PCDH19: variants seen among roughly 807,000 people sequenced by gnomAD.
PCDH19 encodes protocadherin-19.
Under a neutral mutation model 46.2 loss-of-function variants are expected in PCDH19, and 6 were observed. The observed-to-expected ratio is 0.13, with a 90% CI of 0.07 to 0.26. The LOEUF (loss-of-function observed/expected upper bound fraction) is 0.26. Among genes scored for constraint, PCDH19 ranks in the 10% least tolerant of loss-of-function variants. The probability of loss-of-function intolerance (pLI) is 1.00; values close to 1 mark genes in which losing one functional copy is unlikely to be tolerated. For missense variants in PCDH19, 740 were observed against 972.3 expected, an observed-to-expected ratio of 0.76 and a Z score of 3.18; for synonymous variants, 481 against 415.7, an observed-to-expected ratio of 1.16 and a Z score of -1.91.
intron 3 of PCDH19, among the ~76,000 whole-genome samples, chrX:100,373,934 C>G (rs757749549): frequency 1.8e-5 from 2 of 112,239 alleles, no homozygotes; most frequent in South Asian, 7.5e-4. Flanking sequence ...CTCTTTTTAA[C>G]TACTTTTTTT....
At chrX:100,330,769 C>G (rs1050063067) in intron 5 of PCDH19, among the ~76,000 whole-genome samples, 13 of 110,989 alleles carry the variant, frequency 1.2e-4, no homozygotes, top group African/African-American at 4.3e-4. Context: ...AAGGCAGTAA[C>G]CTAAAGAGCC....
intron 3 of PCDH19, among the ~76,000 whole-genome samples, chrX:100,384,017 C>T (rs746800280): frequency 1.9e-4 from 21 of 111,538 alleles, no homozygotes; most frequent in South Asian, 1.9e-3. Context: ...AATTAACCAT[C>T]TAGGAAAATG....
chrX:100,389,397 G>A (rs1035341416), intron 3 of PCDH19, among the ~76,000 whole-genome samples: 1 of 106,912 alleles, frequency 9.4e-6, no homozygotes, highest in African/African-American at 3.4e-5. Flanking sequence ...GTGGGTGGGG[G>A]AAATAGGAAG....
chrX:100,406,309 A>T, intron 1 of PCDH19, 142 bp downstream of exon 1: 1 of 509,943 alleles, frequency 2.0e-6, no homozygotes, highest in South Asian at 2.8e-5. Context: ...GGACTGTCAC[A>T]AACTTTTCAC....
rs143740665 is a variant in PCDH19, at chrX:100,357,423, T to C, written c.2617-6719A>G. 5.7e-3 allele frequency among the ~76,000 whole-genome samples: 638 copies of C among 111,991 alleles called. 3 individuals carry two copies. The highest frequency in any genetic ancestry group is 8.0e-3 in the Non-Finnish European group (427 of 53,163). ...TCATAACGTTCTTAGAAATAGCCCA[T>C]ATTATCTGTCCTTTTGGCTCCATTT... is the stretch of plus-strand genomic sequence containing the variant. On this transcript the variant is annotated intron_variant, in intron 3 of 5. Transcript: ENST00000373034.
At chrX:100,349,307 T>G (rs1436815359) in intron 4 of PCDH19, among the ~76,000 whole-genome samples, 3 of 112,046 alleles carry the variant, frequency 2.7e-5, no homozygotes, top group Non-Finnish European at 5.6e-5. Context: ...TAATTTTGAA[T>G]TCCTCACCTC....
At position 100,292,098 on chromosome X, in the gene PCDH19, A is replaced by G. The variant is rs1208956409; in HGVS notation, c.*4179T>C. The G allele has an allele frequency of 8.8e-6, 1 of 113,283 alleles. No homozygotes were observed. Among genetic ancestry groups the G allele is most frequent in the Non-Finnish European group, 1.9e-5 (1 of 53,397 alleles). The allele number at this position is 113,283 out of a possible 1,213,427, so 9.3% of individuals were successfully genotyped here. Reference sequence around the variant, plus strand: ...ACCTTAGCATTCAAATAGCACAAGGAGGTATTTGTTGCTGATTTCTAGCTC... The same window carrying G: ...ACCTTAGCATTCAAATAGCACAAGGGGGTATTTGTTGCTGATTTCTAGCTC... On this transcript the variant is annotated 3_prime_UTR_variant, in exon 6 of 6. Coordinates refer to ENST00000373034, the MANE Select transcript of PCDH19 (RefSeq NM_001184880.2).
intron 5 of PCDH19, among the ~76,000 whole-genome samples, chrX:100,322,859 A>ATTTTTT (rs1400588865): frequency 5.3e-4 from 23 of 43,672 alleles, no homozygotes; most frequent in African/African-American, 3.1e-3. Context: ...ATATATATAT[A>ATTTTTT]TATATATTTT....
intron 5 of PCDH19, among the ~76,000 whole-genome samples, chrX:100,333,166 GAAGGAAGGGA>G (rs1422827207): frequency 3.3e-5 from 1 of 30,201 alleles, no homozygotes; most frequent in African/African-American, 8.5e-5. Context: ...AGGAAGGAAG[GAAGGAAGGGA>G]GAGAGAGAGA....
At chrX:100,390,306 G>C (rs1016495016) in intron 3 of PCDH19, among the ~76,000 whole-genome samples, 1 of 111,990 alleles carries the variant, frequency 8.9e-6, no homozygotes, top group African/African-American at 3.3e-5. Context: ...ATTCACTAAA[G>C]TCTGGAGGCA....
chrX:100,379,250 G>A (rs1192432617), intron 3 of PCDH19, among the ~76,000 whole-genome samples: 2 of 108,684 alleles, frequency 1.8e-5, no homozygotes, highest in Non-Finnish European at 3.8e-5. Context: ...TTGGCAAAAC[G>A]AGTCCTTCCC....
At chrX:100,301,078 A>G (rs1004267341) in intron 5 of PCDH19, among the ~76,000 whole-genome samples, 1 of 111,687 alleles carries the variant, frequency 9.0e-6, no homozygotes, top group African/African-American at 3.3e-5. Context: ...TTATGCAGCA[A>G]TTACTACTCT....
rs1178096703 is a variant in PCDH19, at chrX:100,407,323, T to C, written c.1275A>G (p.Ala425=). The C allele has an allele frequency of 8.3e-7, 1 of 1,211,053 alleles. No homozygotes were observed. The highest frequency in any genetic ancestry group is 1.1e-6 in the Non-Finnish European group (1 of 895,434). ...QHDQYNLTIQ[A]RDGGVPMLQS... ...GCAGCATGGGCACGCCGCCGTCGCG[T>C]GCCTGAATTGTGAGGTTGTATTGGT... Residue 425 remains alanine (A), a synonymous_variant, in exon 1 of 6, where the codon GCA becomes GCG. Transcript: ENST00000373034.
intron 3 of PCDH19, among the ~76,000 whole-genome samples, chrX:100,380,210 T>G (rs2147516049): frequency 9.0e-6 from 1 of 110,791 alleles, no homozygotes; most frequent in African/African-American, 3.3e-5. Context: ...GGGTGGGAAA[T>G]GGTTCCCTGA....
chrX:100,343,941 T>C (rs1445080659), intron 4 of PCDH19, among the ~76,000 whole-genome samples: 2 of 111,740 alleles, frequency 1.8e-5, no homozygotes, highest in Admixed American at 9.5e-5. Flanking sequence ...AGCTATGCCA[T>C]GGACACAATG....
chrX:100,340,222 T>C (rs1201396796), intron 5 of PCDH19, among the ~76,000 whole-genome samples: 2 of 111,974 alleles, frequency 1.8e-5, no homozygotes, highest in Non-Finnish European at 3.8e-5. Flanking sequence ...CACACACACA[T>C]ATATATGTAA....
chrX:100,328,774 T>G (rs768165664), intron 5 of PCDH19, among the ~76,000 whole-genome samples: 16 of 112,530 alleles, frequency 1.4e-4, no homozygotes, highest in Non-Finnish European at 2.6e-4. Flanking sequence ...AGATTAATTA[T>G]CCAAACTTTA....
chrX:100,407,386 A>C lies in PCDH19; in HGVS notation c.1212T>G (p.Thr404=). 8.3e-7 allele frequency: 1 copy of C among 1,211,815 alleles called. No homozygotes were observed. The highest frequency in any genetic ancestry group is 1.1e-6 in the Non-Finnish European group (1 of 895,322). The stretch of plus-strand genomic sequence containing the variant: ...GGTCCAGCCGTCCGTCCACCAGAAT[A>C]GTGGAGAAGCTCTCATATTCCTGCA... ...FRLQEYESFS[T]ILVDGRLDRE... is the part of the protein sequence containing the mutation. Residue 404 remains threonine (T), a synonymous_variant, in exon 1 of 6, where the codon ACT becomes ACG. Transcript: ENST00000373034.
At chrX:100,354,503 G>C (rs1456277951) in intron 3 of PCDH19, among the ~76,000 whole-genome samples, 2 of 111,405 alleles carry the variant, frequency 1.8e-5, no homozygotes, top group Non-Finnish European at 3.8e-5. Flanking sequence ...TGTACCTCCG[G>C]GGTGGCAAGT....
Sources: allele counts gnomAD v4.1 joint callset (sites outside exome capture counted in the v4.1 genomes callset), GRCh38; gene constraint gnomAD v4.1.1; transcripts MANE v1.5; gene names NCBI Gene and HGNC (gene_info 2026-07-23, HGNC 2026-07-21).